The following DDX6 variants were observed in gnomAD, a reference collection of about 807,000 sequenced individuals.
DDX6 encodes DEAD-box helicase 6.
In DDX6, 7 loss-of-function variants were observed where a neutral mutation model predicts 60.6. The ratio of observed to expected loss-of-function variants is 0.12; its 90% CI spans 0.07 to 0.22. DDX6 has a LOEUF of 0.22. Ranked by LOEUF, DDX6 falls within the 10% of genes least tolerant of loss-of-function variation. DDX6 has a pLI of 1.00. For missense variants in DDX6, 270 were observed against 589.9 expected (o/e 0.46, Z 5.62); for synonymous variants, 207 against 201.0 (o/e 1.03, Z -0.25).
upstream of DDX6, chr11:118,791,384 C>T (rs571464653): frequency 7.2e-5 from 11 of 152,256 alleles, no homozygotes; most frequent in African/African-American, 2.6e-4. Flanking sequence ...CCTTCTCTCA[C>T]ACCGACGAGA....
chr11:118,783,882 G>A (rs193054157), intron 2 of DDX6, among the ~76,000 whole-genome samples: 3 of 148,982 alleles, frequency 2.0e-5, no homozygotes, highest in Non-Finnish European at 3.0e-5. Flanking sequence ...GTGAGAGGTC[G>A]AGGTGGGCAG....
intron 8 of DDX6, 32 bp from the exon 9 acceptor site, chr11:118,758,934 C>A (rs782281147): frequency 6.2e-7 from 1 of 1,610,918 alleles, no homozygotes; most frequent in African/African-American, 1.3e-5. Context: ...GATGAGTCGT[C>A]GTCTTAAATG....
At chr11:118,768,623 G>A (rs1344880170) in intron 4 of DDX6, among the ~76,000 whole-genome samples, 1 of 152,076 alleles carries the variant, frequency 6.6e-6, no homozygotes, top group Non-Finnish European at 1.5e-5. Flanking sequence ...TGTATCTGAA[G>A]AGAACAACAA....
At chr11:118,790,803 G>C (rs1418194891) in intron 1 of DDX6, 1 of 152,214 alleles carries the variant, frequency 6.6e-6, no homozygotes, top group East Asian at 1.9e-4. Context: ...GCCGGCCCGG[G>C]GGGCTCCCCA....
rs1287929021 is a variant in DDX6 at position 118,749,272 on chromosome 11, TA to T, written c.*2832del. 3.0e-5 allele frequency: 4 copies of T among 131,558 alleles called. No individual in the cohort carries two copies. The highest frequency in any genetic ancestry group is 5.7e-5 in the African/African-American group (2 of 35,308). The allele number at this position is 131,558 out of a possible 1,614,324, so 8.1% of individuals were successfully genotyped here. ...GCCACTGGAAAATATTATCATTACT[TA>T]AAAAAATACATATTTAATATTGGAA... On this transcript the variant is annotated 3_prime_UTR_variant, in exon 14 of 14. Coordinates refer to ENST00000534980, the MANE Select transcript of DDX6 (RefSeq NM_004397.6).
chr11:118,781,028 C>A, intron 3 of DDX6, 93 bp downstream of exon 3: 1 of 825,408 alleles, frequency 1.2e-6, no homozygotes, highest in South Asian at 1.5e-5. Context: ...GTGTTATGGT[C>A]CTGAAACCAA....
intron 9 of DDX6, 120 bp downstream of exon 9, chr11:118,758,654 C>G (rs782643415): frequency 2.4e-6 from 3 of 1,243,290 alleles, no homozygotes; most frequent in Non-Finnish European, 2.2e-6. Flanking sequence ...CATGAGCCAC[C>G]GTGCCAAGCC....
chr11:118,777,960 A>G (rs532872285), intron 4 of DDX6, among the ~76,000 whole-genome samples: 1 of 151,900 alleles, frequency 6.6e-6, no homozygotes, highest in South Asian at 2.1e-4. Context: ...TCATAAAAAC[A>G]TAGGAACCAG....
upstream of DDX6, chr11:118,791,652 C>A (rs1433887868): frequency 6.6e-6 from 1 of 152,224 alleles, no homozygotes; most frequent in East Asian, 2.0e-4. Context: ...GAGGCTGATG[C>A]CGGGCCTAAG....
chr11:118,756,716 T>C (rs549892372), intron 10 of DDX6, among the ~76,000 whole-genome samples: 1 of 152,308 alleles, frequency 6.6e-6, no homozygotes, highest in African/African-American at 2.4e-5. Context: ...AAAGGAAATA[T>C]TTGTGTCTGT....
At chr11:118,773,444 C>T (rs1225311214) in intron 4 of DDX6, among the ~76,000 whole-genome samples, 2 of 152,044 alleles carry the variant, frequency 1.3e-5, no homozygotes, top group African/African-American at 4.8e-5. Flanking sequence ...TGGTGGCAGG[C>T]GCCTGCAGTC....
At chr11:118,779,950 C>G (rs1861834224) in intron 3 of DDX6, among the ~76,000 whole-genome samples, 1 of 151,458 alleles carries the variant, frequency 6.6e-6, no homozygotes, top group Non-Finnish European at 1.5e-5. Context: ...ACTCCAACTC[C>G]ACGAAAAATA....
intron 4 of DDX6, among the ~76,000 whole-genome samples, chr11:118,772,533 G>C (rs1453382124): frequency 6.6e-6 from 1 of 152,144 alleles, no homozygotes; most frequent in Non-Finnish European, 1.5e-5. Context: ...GGTTTCTTTT[G>C]TGGGACTGAT....
At chr11:118,782,091 T>C (rs1042176152) in intron 2 of DDX6, among the ~76,000 whole-genome samples, 2 of 152,150 alleles carry the variant, frequency 1.3e-5, no homozygotes, top group African/African-American at 4.8e-5. Flanking sequence ...CATGTGCCTG[T>C]AATCCCAGCT....
rs1555156412 is a variant in DDX6, at chr11:118,748,722, A to T, written c.*3383T>A. ...TGCAGACACCCTCCCTTCTGGGGCAAAGTACCCTCCCTCCCACCCCTATTA... is the reference window on the plus strand; with the variant it reads ...TGCAGACACCCTCCCTTCTGGGGCATAGTACCCTCCCTCCCACCCCTATTA... On this transcript the variant is annotated 3_prime_UTR_variant, in exon 14 of 14. Coordinates refer to ENST00000534980, the MANE Select transcript of DDX6 (RefSeq NM_004397.6). 1 of 151,828 alleles carries T rather than the reference A, an allele frequency of 6.6e-6. No individual in the cohort carries two copies. Among genetic ancestry groups the T allele is most frequent in the Non-Finnish European group, 1.5e-5 (1 of 67,984 alleles). The allele number at this position is 151,828 out of a possible 1,614,324, so 9.4% of individuals were successfully genotyped here.
In DDX6 at chr11:118,747,907, C is replaced by CA. The variant is rs1367633236; in HGVS notation, c.*4197_*4198insT. 8.9e-5 allele frequency: 12 copies of CA among 134,346 alleles called. No homozygotes were observed. The highest frequency in any genetic ancestry group is 3.1e-4 in the African/African-American group (11 of 35,202). 8.3% of individuals were successfully genotyped at this position (134,346 alleles called of 1,614,324 possible). A position where few individuals can be genotyped will look rare whatever the true frequency, so the allele number is the denominator to read the frequency against. ...ACATCCCAACAAAAACAGAGCCCCC[C>CA]CCCCCCCCACTGGAACATCTGCCAA... On this transcript the variant is annotated 3_prime_UTR_variant, in exon 14 of 14. Transcript: ENST00000534980.
At chr11:118,768,682 A>C (rs547373040) in intron 4 of DDX6, among the ~76,000 whole-genome samples, 1 of 152,240 alleles carries the variant, frequency 6.6e-6, no homozygotes, top group Non-Finnish European at 1.5e-5. Flanking sequence ...TTGAAAATAC[A>C]GACAAAACAA....
At chr11:118,760,755 A>T (rs1861136443) in intron 7 of DDX6, among the ~76,000 whole-genome samples, 1 of 150,160 alleles carries the variant, frequency 6.7e-6, no homozygotes, top group African/African-American at 2.5e-5. Flanking sequence ...TGGGAGGCGG[A>T]CGCTGCAGTG....
rs782814265 is a variant in DDX6, at chr11:118,768,245, G to A, written c.477C>T (p.Asp159=). The A allele has an allele frequency of 6.2e-7, 1 of 1,613,736 alleles. No homozygotes were observed. Among genetic ancestry groups the A allele is most frequent in the Middle Eastern group, 1.7e-4 (1 of 6,012 alleles). Residue 159 remains aspartate (D), a synonymous_variant, in exon 5 of 14, where the codon GAC becomes GAT. Coordinates refer to ENST00000534980, the MANE Select transcript of DDX6 (RefSeq NM_004397.6). Reference sequence around the variant, plus strand: ...AACCTTGTATATTGTCCTTCTTCAGGTCTAGCCGTTCAAGTAAGGGAATGA... The same window carrying A: ...AACCTTGTATATTGTCCTTCTTCAGATCTAGCCGTTCAAGTAAGGGAATGA... The part of the protein sequence containing the change: ...AYLIPLLERL[D]LKKDNIQAMV...
Sources: gnomAD v4.1 joint callset for allele counts (sites outside exome capture counted in the v4.1 genomes callset) on GRCh38, gnomAD v4.1.1 for gene constraint, MANE v1.5 for transcripts, NCBI Gene and HGNC (gene_info 2026-07-23, HGNC 2026-07-21) for gene names.